GPR15LG: variants seen among roughly 807,000 people sequenced by gnomAD.
GPR15LG encodes the protein G protein-coupled receptor 15 ligand.
At chr10:84,174,138 A>T in the GPR15LG span, among the ~76,000 whole-genome samples, 1 of 152,182 alleles carries the variant, frequency 6.6e-6, no homozygotes, top group Non-Finnish European at 1.5e-5. Flanking sequence ...TGCACCCCCA[A>T]ATACATACCC....
At chr10:84,184,159 GA>G in the GPR15LG span, among the ~76,000 whole-genome samples, 6,340 of 138,526 alleles carry the variant, frequency 0.046, 174 homozygotes, top group Middle Eastern at 0.078. Context: ...CATCTTTCTT[GA>G]AAAAAAAAAA....
At chr10:84,178,106 A>G in the GPR15LG span, among the ~76,000 whole-genome samples, 10 of 151,816 alleles carry the variant, frequency 6.6e-5, no homozygotes, top group Non-Finnish European at 1.5e-4. Context: ...ACAGAAACAC[A>G]GCATATACAC....
the GPR15LG span, among the ~76,000 whole-genome samples, chr10:84,183,322 AAT>A: frequency 2.0e-5 from 3 of 152,290 alleles, no homozygotes; most frequent in African/African-American, 7.2e-5. Context: ...TTTGAATTTA[AAT>A]AATCTGGCTC....
the GPR15LG span, among the ~76,000 whole-genome samples, chr10:84,176,058 T>G: frequency 6.6e-6 from 1 of 151,830 alleles, no homozygotes; most frequent in South Asian, 2.1e-4. Context: ...CAGGCTGATT[T>G]TGTATTTTTA....
the GPR15LG span, chr10:84,174,018 G>A: frequency 5.3e-6 from 5 of 940,134 alleles, no homozygotes; most frequent in Non-Finnish European, 8.6e-6. Flanking sequence ...TGGCGGGCAG[G>A]CCTTGGCAGG....
At chr10:84,182,769 G>C in the GPR15LG span, among the ~76,000 whole-genome samples, 1 of 152,174 alleles carries the variant, frequency 6.6e-6, no homozygotes, top group Non-Finnish European at 1.5e-5. Flanking sequence ...AAACTGCAAA[G>C]GAGAGAGGGA....
At chr10:84,174,475 T>C in the GPR15LG span, among the ~76,000 whole-genome samples, 1 of 150,904 alleles carries the variant, frequency 6.6e-6, no homozygotes, top group South Asian at 2.1e-4. Flanking sequence ...TTTAGCTCTC[T>C]TGCCCTTTTT....
the GPR15LG span, among the ~76,000 whole-genome samples, chr10:84,183,338 C>G: frequency 6.6e-6 from 1 of 152,122 alleles, no homozygotes; most frequent in Non-Finnish European, 1.5e-5. Flanking sequence ...CTGGCTCACT[C>G]CAGATTTCAT....
the GPR15LG span, among the ~76,000 whole-genome samples, chr10:84,184,217 T>G: frequency 6.6e-6 from 1 of 152,062 alleles, no homozygotes; most frequent in African/African-American, 2.4e-5. Flanking sequence ...TTCTTTCTTG[T>G]GGATGATTCC....
chr10:84,184,720 C>T, the GPR15LG span: 1 of 1,613,990 alleles, frequency 6.2e-7, no homozygotes, highest in Non-Finnish European at 8.5e-7. Flanking sequence ...AAGCTTGAGC[C>T]AGAGCCCCGC....
chr10:84,175,326 C>G, the GPR15LG span, among the ~76,000 whole-genome samples: 1 of 152,132 alleles, frequency 6.6e-6, no homozygotes, highest in East Asian at 1.9e-4. Context: ...CCAGTGATAC[C>G]CTAGTGACAA....
chr10:84,179,301 G>A, the GPR15LG span, among the ~76,000 whole-genome samples: 2 of 152,158 alleles, frequency 1.3e-5, no homozygotes, highest in Admixed American at 6.5e-5. Context: ...CTGCCACATG[G>A]TGCCCCGTAA....
At chr10:84,174,034 C>G in the GPR15LG span, 1 of 819,838 alleles carries the variant, frequency 1.2e-6, no homozygotes, top group Admixed American at 1.8e-5. Context: ...GCAGGCAGTC[C>G]TGAGCCCCGG....
At chr10:84,177,082 G>A in the GPR15LG span, among the ~76,000 whole-genome samples, 1 of 152,204 alleles carries the variant, frequency 6.6e-6, no homozygotes, top group African/African-American at 2.4e-5. Flanking sequence ...GGGCCTGAGG[G>A]TCCAGAGAGC....
At chr10:84,178,362 A>T in the GPR15LG span, among the ~76,000 whole-genome samples, 1 of 151,998 alleles carries the variant, frequency 6.6e-6, no homozygotes, top group Non-Finnish European at 1.5e-5. Flanking sequence ...TGCACACAGC[A>T]CACACACGTA....
At chr10:84,182,094 C>T in the GPR15LG span, among the ~76,000 whole-genome samples, 1 of 152,210 alleles carries the variant, frequency 6.6e-6, no homozygotes, top group Non-Finnish European at 1.5e-5. Flanking sequence ...ATTCCTCCCT[C>T]GCCATAGGGT....
the GPR15LG span, among the ~76,000 whole-genome samples, chr10:84,180,072 G>A: frequency 6.6e-6 from 1 of 152,064 alleles, no homozygotes; most frequent in Non-Finnish European, 1.5e-5. Flanking sequence ...ATTAGGGAGT[G>A]GTGATGACTC....
At chr10:84,174,494 C>CTTTTTTTTT in the GPR15LG span, among the ~76,000 whole-genome samples, 6 of 98,746 alleles carry the variant, frequency 6.1e-5, no homozygotes, top group African/African-American at 2.3e-4. Context: ...TTTCTTTTTT[C>CTTTTTTTTT]TTTTTTTTTT....
the GPR15LG span, among the ~76,000 whole-genome samples, chr10:84,176,948 TG>T: frequency 3.2e-3 from 474 of 148,642 alleles, 1 homozygote; most frequent in African/African-American, 0.011. Flanking sequence ...AGGGCAAGAG[TG>T]GGGTATGGAA....
Sources: gnomAD v4.1 joint callset for allele counts (sites outside exome capture counted in the v4.1 genomes callset) on GRCh38, gnomAD v4.1.1 for gene constraint, MANE v1.5 for transcripts, NCBI Gene and HGNC (gene_info 2026-07-23, HGNC 2026-07-21) for gene names.